Variants in DYM observed in about 807,000 individuals in gnomAD.
DYM encodes the protein dyggve-Melchior-Clausen syndrome protein.
DYM carries 78 observed loss-of-function variants against 93.1 expected under a neutral mutation model. That is an observed-to-expected ratio of 0.84 (90% CI 0.70 to 1.01). The LOEUF is 1.01. Among genes scored for constraint, DYM ranks in the 50% least tolerant of loss-of-function variants. DYM has a pLI of 0.00. For synonymous variants in DYM, 321 were observed against 319.7 expected (o/e 1.00, Z -0.04); for missense variants, 789 against 845.0 (o/e 0.93, Z 0.82).
chr18:49,120,530 A>T (rs1222899690), intron 15 of DYM, among the ~76,000 whole-genome samples: 1 of 152,212 alleles, frequency 6.6e-6, no homozygotes, highest in East Asian at 1.9e-4. Context: ...GTGGCATACT[A>T]CAGTTGCTCA....
chr18:49,133,174 C>T (rs2083527810), intron 15 of DYM, among the ~76,000 whole-genome samples: 1 of 152,124 alleles, frequency 6.6e-6, no homozygotes, highest in Non-Finnish European at 1.5e-5. Flanking sequence ...AACTACTTTT[C>T]CAGGGACCCA....
intron 3 of DYM, among the ~76,000 whole-genome samples, chr18:49,384,647 G>A (rs1325604540): frequency 2.7e-5 from 4 of 147,812 alleles, no homozygotes. Context: ...AAAGAAGAGA[G>A]CAGCCTGACA....
intron 7 of DYM, among the ~76,000 whole-genome samples, 200 bp from the exon 8 acceptor site, chr18:49,332,206 T>C (rs2063357928): frequency 6.6e-6 from 1 of 152,200 alleles, no homozygotes. Context: ...ATCCTTGCTT[T>C]TCCTCTTATC....
intron 5 of DYM, among the ~76,000 whole-genome samples, chr18:49,370,232 C>T (rs377538008): frequency 2.7e-5 from 4 of 149,682 alleles, no homozygotes; most frequent in Non-Finnish European, 4.4e-5. Flanking sequence ...GAGCCAAGGT[C>T]GCACCACTGC....
chr18:49,157,014 G>T (rs569452615), intron 15 of DYM, among the ~76,000 whole-genome samples: 4 of 152,000 alleles, frequency 2.6e-5, no homozygotes, highest in Non-Finnish European at 4.4e-5. Flanking sequence ...CCATTTCTTT[G>T]TTCTTGGTGG....
chr18:49,094,734 G>A (rs1173268251), intron 17 of DYM, among the ~76,000 whole-genome samples: 1 of 152,078 alleles, frequency 6.6e-6, no homozygotes, highest in Non-Finnish European at 1.5e-5. Context: ...CTCTTCCATG[G>A]GCTTCCAGAT....
intron 6 of DYM, among the ~76,000 whole-genome samples, chr18:49,342,420 T>C (rs2064236467): frequency 6.7e-6 from 1 of 150,336 alleles, no homozygotes; most frequent in African/African-American, 2.4e-5. Flanking sequence ...GACATATAAG[T>C]TATGTTACTC....
chr18:49,426,345 A>C (rs2148413509), intron 2 of DYM, among the ~76,000 whole-genome samples: 1 of 137,258 alleles, frequency 7.3e-6, no homozygotes, highest in Non-Finnish European at 1.5e-5. Context: ...GAATTGAACA[A>C]TGAAAACACT....
At chr18:49,447,915 C>T (rs542446885) in intron 1 of DYM, among the ~76,000 whole-genome samples, 1 of 152,186 alleles carries the variant, frequency 6.6e-6, no homozygotes, top group Non-Finnish European at 1.5e-5. Flanking sequence ...GTGAGAATCT[C>T]TCTTTCTCTG....
At chr18:49,080,871 G>GTCGGGCAGAGACACT (rs2077919888) in intron 17 of DYM, among the ~76,000 whole-genome samples, 1 of 151,954 alleles carries the variant, frequency 6.6e-6, no homozygotes, top group Admixed American at 6.5e-5. Context: ...CGGGGTGGCG[G>GTCGGGCAGAGACACT]CCGGGCAGAG....
At chr18:49,423,473 C>CA (rs1568419977) in intron 2 of DYM, among the ~76,000 whole-genome samples, 1 of 152,238 alleles carries the variant, frequency 6.6e-6, no homozygotes, top group East Asian at 1.9e-4. Context: ...CCTAATGTCA[C>CA]AATTAAAAGA....
chr18:49,187,372 C>G (rs1363879802), intron 14 of DYM, among the ~76,000 whole-genome samples: 1 of 152,130 alleles, frequency 6.6e-6, no homozygotes, highest in Non-Finnish European at 1.5e-5. Flanking sequence ...ACAGTAAGGA[C>G]AGTAATAAAT....
chr18:49,071,673 G>A (rs1208852196), intron 17 of DYM, among the ~76,000 whole-genome samples: 1 of 152,166 alleles, frequency 6.6e-6, no homozygotes, highest in Non-Finnish European at 1.5e-5. Flanking sequence ...TACTTACTTG[G>A]GGGCCTAAAA....
At chr18:49,080,471 C>G (rs1299238267) in intron 17 of DYM, among the ~76,000 whole-genome samples, 1 of 136,754 alleles carries the variant, frequency 7.3e-6, no homozygotes. Context: ...TGGGCAGAGG[C>G]GCCCCTCACC....
chr18:49,378,875 T>C (rs1233069374), intron 4 of DYM, among the ~76,000 whole-genome samples, 175 bp from the exon 5 acceptor site: 1 of 152,196 alleles, frequency 6.6e-6, no homozygotes, highest in Non-Finnish European at 1.5e-5. Context: ...CCAGTGATAT[T>C]ATGTTTTACT....
intron 13 of DYM, among the ~76,000 whole-genome samples, chr18:49,220,879 G>A (rs935088103): frequency 4.6e-5 from 7 of 152,206 alleles, no homozygotes; most frequent in African/African-American, 1.7e-4. Context: ...CAAAAGCAAT[G>A]GCAACAAAAG....
intron 16 of DYM, chr18:49,114,683 G>A (rs559890086): frequency 1.9e-6 from 1 of 538,388 alleles, no homozygotes. Flanking sequence ...GTGTGTGTGT[G>A]TGTGTGTTTA....
intron 10 of DYM, among the ~76,000 whole-genome samples, chr18:49,276,312 G>C (rs912274521): frequency 2.0e-5 from 3 of 151,574 alleles, no homozygotes; most frequent in East Asian, 1.9e-4. Flanking sequence ...GCTTTTTTCT[G>C]TATCTATTTA....
intron 14 of DYM, among the ~76,000 whole-genome samples, chr18:49,198,968 G>A (rs1164568946): frequency 2.0e-5 from 3 of 151,888 alleles, no homozygotes; most frequent in African/African-American, 4.8e-5. Context: ...GCAAAGACTT[G>A]GAACCAAGCC....
Sources: gnomAD v4.1 joint callset for allele counts (sites outside exome capture counted in the v4.1 genomes callset) on GRCh38, gnomAD v4.1.1 for gene constraint, MANE v1.5 for transcripts, NCBI Gene and HGNC (gene_info 2026-07-23, HGNC 2026-07-21) for gene names.